The following PCDHGB1 variants were observed in gnomAD, a reference collection of about 807,000 sequenced individuals.
PCDHGB1 encodes protocadherin gamma subfamily B, 1.
In PCDHGB1, 34 loss-of-function variants were observed where a neutral mutation model predicts 56.6. The ratio of observed to expected loss-of-function variants is 0.60; its 90% CI spans 0.46 to 0.80. The LOEUF is 0.80. Ranked by LOEUF, PCDHGB1 falls within the 30% of genes least tolerant of loss-of-function variation. The probability of loss-of-function intolerance (pLI) is 0.00; values close to 1 mark genes in which losing one functional copy is unlikely to be tolerated. For missense variants in PCDHGB1, 1,278 were observed against 1,204.6 expected, an observed-to-expected ratio of 1.06 and a Z score of -0.90; for synonymous variants, 561 against 505.9, an observed-to-expected ratio of 1.11 and a Z score of -1.46.
intron 1 of PCDHGB1, among the ~76,000 whole-genome samples, chr5:141,447,303 C>G (rs1328783075): frequency 6.6e-6 from 1 of 151,990 alleles, no homozygotes; most frequent in Non-Finnish European, 1.5e-5. Context: ...CCACACCCGG[C>G]TAATTTTTGT....
At position 141,350,695 on chromosome 5, in the gene PCDHGB1, C is replaced by A. The variant is rs570147190; in HGVS notation, c.435C>A (p.Pro145=). 1.9e-6 allele frequency: 3 copies of A among 1,613,934 alleles called. No homozygotes were observed. The South Asian group carries it at 3.3e-5, about 18-fold the overall frequency. ...TAGAAATTTGTGAGTCAGCCTTACC[C>A]GGGGTAAAATTCTCTCTGGATTCTG... ...IDLEICESAL[P]GVKFSLDSAQ... is the part of the protein sequence containing the mutation. The change falls in exon 1 of 4, where the codon CCC becomes CCA. Residue 145 remains proline, a synonymous_variant. Transcript: ENST00000523390.
intron 1 of PCDHGB1, chr5:141,433,069 C>T (rs561950316): frequency 2.5e-6 from 4 of 1,614,080 alleles, no homozygotes; most frequent in African/African-American, 1.3e-5. Context: ...ACCTGATCTT[C>T]CCCCAGCCCA....
intron 1 of PCDHGB1, among the ~76,000 whole-genome samples, chr5:141,353,136 C>A (rs1301733599): frequency 6.6e-6 from 1 of 151,954 alleles, no homozygotes; most frequent in Admixed American, 6.6e-5. Context: ...GCTCAGTAGT[C>A]TTGGCAATTT....
chr5:141,485,993 A>C lies in PCDHGB1; in HGVS notation c.2410-8814A>C. 6.2e-7 allele frequency: 1 copy of C among 1,614,210 alleles called. No homozygotes were observed. Among genetic ancestry groups the C allele is most frequent in the Non-Finnish European group, 8.5e-7 (1 of 1,180,028 alleles). On this transcript the variant is annotated intron_variant, in intron 1 of 3. Coordinates refer to ENST00000523390, the MANE Select transcript of PCDHGB1 (RefSeq NM_018922.3). The surrounding 1 kb of genome is among the most constrained non-coding windows in gnomAD (Gnocchi z 5.7). ...TGCCTCAGACCCGGACCTGGGTCCC[A>C]GTGGTAACGTCACCTTTTATTTCAG...
chr5:141,376,002 A>G, intron 1 of PCDHGB1: 6 of 1,613,478 alleles, frequency 3.7e-6, no homozygotes, highest in Non-Finnish European at 5.1e-6. Flanking sequence ...GCGCTCAAGC[A>G]GAGCCTAGTG....
At chr5:141,448,359 CTTTA>C in intron 1 of PCDHGB1, among the ~76,000 whole-genome samples, 1 of 152,074 alleles carries the variant, frequency 6.6e-6, no homozygotes, top group East Asian at 1.9e-4. Context: ...TAGTAGTTTT[CTTTA>C]TTTTATTTTT....
At chr5:141,368,517 C>T (rs2149927264) in intron 1 of PCDHGB1, among the ~76,000 whole-genome samples, 1 of 152,138 alleles carries the variant, frequency 6.6e-6, no homozygotes, top group East Asian at 1.9e-4. Flanking sequence ...ATTATTCACT[C>T]CTATGTGAAA....
chr5:141,403,053 C>T (rs754618954), intron 1 of PCDHGB1: 2 of 1,614,076 alleles, frequency 1.2e-6, no homozygotes, highest in Non-Finnish European at 1.7e-6. Context: ...ATTCGCTACT[C>T]AGTGCCTGAA....
intron 1 of PCDHGB1, among the ~76,000 whole-genome samples, chr5:141,468,738 T>C (rs965510711): frequency 3.0e-4 from 46 of 151,958 alleles, no homozygotes; most frequent in South Asian, 2.1e-3. Flanking sequence ...TGGTGGCGGG[T>C]GCCTGTAGTC....
At position 141,408,734 on chromosome 5, in the gene PCDHGB1, T is replaced by C. The variant is rs376769558; in HGVS notation, c.2409+56065T>C. 1.5e-4 allele frequency: 244 copies of C among 1,610,058 alleles called. No homozygotes were observed. The highest frequency in any genetic ancestry group is 1.9e-4 in the Non-Finnish European group (226 of 1,177,812). On this transcript the variant is annotated intron_variant, in intron 1 of 3. Transcript: ENST00000523390. ...TTATAAGATAAACTCTAATCCTTAT[T>C]TTTCATTAATGGTTAGAGTTAATTC...
Position 141,469,573 on chromosome 5 carries a change from C to CTAAA in PCDHGB1, c.2410-25217_2410-25214dup, listed in dbSNP as rs1209972534. Among the ~76,000 whole-genome samples the CTAAA allele has an allele frequency of 1.4e-4, 21 of 151,674 alleles. No individual in the cohort carries two copies. In the East Asian group the frequency reaches 2.3e-3, roughly 17 times the overall value. On this transcript the variant is annotated intron_variant, in intron 1 of 3. Coordinates refer to ENST00000523390, the MANE Select transcript of PCDHGB1 (RefSeq NM_018922.3). ...CTGGCGACAGAGTGAGACTCTGTCT[C>CTAAA]TAAATAAATAAATAAATAAAACAAA...
chr5:141,434,802 G>A (rs1009500775), intron 1 of PCDHGB1, among the ~76,000 whole-genome samples: 10 of 151,488 alleles, frequency 6.6e-5, no homozygotes, highest in African/African-American at 2.4e-4. Flanking sequence ...TTCTGAGCTT[G>A]GAGAAATATA....
Position 141,432,126 on chromosome 5 carries a change from C to A in PCDHGB1, c.2410-62681C>A. 6.2e-7 allele frequency: 1 copy of A among 1,614,144 alleles called. No homozygotes were observed. Among genetic ancestry groups the A allele is most frequent in the South Asian group, 1.1e-5 (1 of 91,058 alleles). ...AACCCGCCGGTCTTCCCTCAGGCCT[C>A]CTATTCCGCTTATATCCCAGAGAAC... On this transcript the variant is annotated intron_variant, in intron 1 of 3. Transcript: ENST00000523390. The surrounding 1 kb of genome is among the most constrained non-coding windows in gnomAD (Gnocchi z 6.0).
intron 1 of PCDHGB1, chr5:141,390,508 T>C (rs2092164423): frequency 5.1e-6 from 3 of 589,420 alleles, no homozygotes; most frequent in Non-Finnish European, 8.8e-6. Flanking sequence ...AGCTTAGATT[T>C]ATAAAGCAAT....
At position 141,471,885 on chromosome 5, in the gene PCDHGB1, A is replaced by G. The variant is rs180968509; in HGVS notation, c.2410-22922A>G. ...ACTGTGGTTGCCTGAGGCTGAAGCT[A>G]GGAAGATTGACTACAGACAAGCATG... On this transcript the variant is annotated intron_variant, in intron 1 of 3. Transcript: ENST00000523390. Among the ~76,000 whole-genome samples the G allele has an allele frequency of 1.9e-3, 294 of 152,338 alleles. 1 individual carries two copies. Among genetic ancestry groups the G allele is most frequent in the Middle Eastern group, 0.017 (5 of 294 alleles).
At chr5:141,436,239 G>T (rs1426798903) in intron 1 of PCDHGB1, among the ~76,000 whole-genome samples, 2 of 152,012 alleles carry the variant, frequency 1.3e-5, no homozygotes, top group South Asian at 2.1e-4. Flanking sequence ...AAGCTAACAT[G>T]GTCTAATTAT....
At chr5:141,374,754 G>C (rs1770811216) in intron 1 of PCDHGB1, 6 of 1,612,936 alleles carry the variant, frequency 3.7e-6, no homozygotes, top group Non-Finnish European at 4.2e-6. Context: ...GTCCGCTCAA[G>C]CGTCGCCCAA....
chr5:141,358,274 A>T (rs1760873483), intron 1 of PCDHGB1, among the ~76,000 whole-genome samples: 1 of 152,222 alleles, frequency 6.6e-6, no homozygotes, highest in Non-Finnish European at 1.5e-5. Flanking sequence ...GAGACCTGTA[A>T]AATAGAAGGC....
intron 1 of PCDHGB1, chr5:141,389,157 C>G: frequency 6.2e-7 from 1 of 1,613,976 alleles, no homozygotes; most frequent in African/African-American, 1.3e-5. Flanking sequence ...GGCAACAGAT[C>G]GGGGCAAGCC....
Sources: allele counts gnomAD v4.1 joint callset (sites outside exome capture counted in the v4.1 genomes callset), GRCh38; gene constraint gnomAD v4.1.1; non-coding constraint Gnocchi (gnomAD v3.1); transcripts MANE v1.5; gene names NCBI Gene and HGNC (gene_info 2026-07-23, HGNC 2026-07-21).